ZFAT: variants seen among roughly 807,000 people sequenced by gnomAD.
ZFAT encodes zinc finger and AT-hook domain containing, also known as zinc finger protein ZFAT.
A neutral mutation model predicts 117.7 loss-of-function variants in ZFAT; 64 were observed. The ratio of observed to expected loss-of-function variants is 0.54; its 90% CI spans 0.44 to 0.67. The LOEUF (loss-of-function observed/expected upper bound fraction) is 0.67. Among genes scored for constraint, ZFAT ranks in the 30% least tolerant of loss-of-function variants. ZFAT has a pLI of 0.00. For synonymous variants in ZFAT, 679 were observed against 615.0 expected (o/e 1.10, Z -1.54); for missense variants, 1,433 against 1,584.5 (o/e 0.90, Z 1.62).
intron 11 of ZFAT, among the ~76,000 whole-genome samples, chr8:134,538,346 CAG>C (rs1821993577): frequency 6.6e-6 from 1 of 152,078 alleles, no homozygotes; most frequent in African/African-American, 2.4e-5. Context: ...ACCTGGCAAC[CAG>C]GGGGTGGCGC....
the ZFAT span, chr8:134,767,347 CTTTTTTTGCAGATGCAAATCTAGAATCAG>C: frequency 6.6e-6 from 1 of 152,096 alleles, no homozygotes; most frequent in Non-Finnish European, 1.5e-5. Flanking sequence ...GTTTTGGAGT[CTTTTTTTGCAGATGCAAATCTAGAATCAG>C]TATACTTTGC....
Position 134,478,817 on chromosome 8 carries a change from G to A in ZFAT, c.3493-96C>T, listed in dbSNP as rs143151953. The A allele has an allele frequency of 4.6e-5, 67 of 1,468,568 alleles. No individual in the cohort carries two copies. The highest frequency in any genetic ancestry group is 2.2e-4 in the African/African-American group (16 of 71,864). 91.0% of individuals were successfully genotyped at this position (1,468,568 alleles called of 1,614,324 possible). On this transcript the variant is annotated intron_variant, in intron 15 of 15. Transcript: ENST00000377838. This position sits in a 1 kb window ranked among gnomAD's most constrained non-coding sequence, Gnocchi z 5.2. ...ACTACAGTTTAGGAGGCACCAGTGC[G>A]CTGCGGGAGCACGTCCATTCTCCAC...
At chr8:134,665,321 C>T (rs1832155921) in intron 1 of ZFAT, among the ~76,000 whole-genome samples, 1 of 152,220 alleles carries the variant, frequency 6.6e-6, no homozygotes, top group Non-Finnish European at 1.5e-5. Context: ...AACTTTCAGG[C>T]CCTCAAGGGA....
At chr8:134,790,190 A>T in the ZFAT span, among the ~76,000 whole-genome samples, 1 of 152,206 alleles carries the variant, frequency 6.6e-6, no homozygotes, top group African/African-American at 2.4e-5. Context: ...TTGCAAGAAG[A>T]GGCCATAAGA....
In ZFAT at chr8:134,513,550, T is replaced by C. The variant is rs915348872; in HGVS notation, c.3235-949A>G. Reference sequence around the variant, plus strand: ...AATATATTTGCACAAAATCAGGACTTGCGAGGGTAGGAGGAGTTAAAGTGG... The same window carrying C: ...AATATATTTGCACAAAATCAGGACTCGCGAGGGTAGGAGGAGTTAAAGTGG... On this transcript the variant is annotated intron_variant, in intron 13 of 15. Transcript: ENST00000377838. 9.9e-4 allele frequency among the ~76,000 whole-genome samples: 150 copies of C among 152,272 alleles called. 1 individual carries two copies. The highest frequency in any genetic ancestry group is 1.5e-4 in the Non-Finnish European group (10 of 68,010).
intron 10 of ZFAT, among the ~76,000 whole-genome samples, chr8:134,572,863 GA>G (rs1452808460): frequency 1.3e-5 from 2 of 151,198 alleles, no homozygotes; most frequent in Non-Finnish European, 2.9e-5. Flanking sequence ...GCAGAATTTA[GA>G]ATCTCATTTC....
chr8:134,655,357 G>A (rs1831531296), intron 2 of ZFAT, among the ~76,000 whole-genome samples: 1 of 152,174 alleles, frequency 6.6e-6, no homozygotes, highest in Non-Finnish European at 1.5e-5. Flanking sequence ...ATTTATAAAA[G>A]AAATGAAAGG....
At chr8:134,591,159 G>T (rs2130879587) in intron 7 of ZFAT, among the ~76,000 whole-genome samples, 1 of 152,318 alleles carries the variant, frequency 6.6e-6, no homozygotes, top group East Asian at 1.9e-4. Flanking sequence ...CATGGCAAGT[G>T]ATTTTATTGA....
At position 134,600,679 on chromosome 8, in the gene ZFAT, A is replaced by G. The variant is rs1330623279; in HGVS notation, c.2243-11T>C. On this transcript the variant is annotated splice_polypyrimidine_tract_variant and intron_variant, in intron 6 of 15. Transcript: ENST00000377838. ...ACCAAAAAAGTTTGCCTAAAAAAAT[A>G]TTTTCACATGAGAACAAGGAAGTTT... 1.3e-6 allele frequency: 2 copies of G among 1,564,956 alleles called. No individual in the cohort carries two copies. The highest frequency in any genetic ancestry group is 1.4e-5 in the African/African-American group (1 of 73,092).
the ZFAT span, among the ~76,000 whole-genome samples, chr8:134,773,456 T>C: frequency 8.5e-5 from 13 of 152,314 alleles, no homozygotes; most frequent in Non-Finnish European, 1.8e-4. Context: ...CTAACACACA[T>C]CCACTGTGCA....
chr8:134,570,391 C>A (rs1363176736), intron 10 of ZFAT, among the ~76,000 whole-genome samples: 1 of 151,986 alleles, frequency 6.6e-6, no homozygotes, highest in African/African-American at 2.4e-5. Flanking sequence ...CTCATATTTC[C>A]ATTGTAATAT....
upstream of ZFAT, among the ~76,000 whole-genome samples, chr8:134,716,921 T>C (rs1814216039): frequency 6.6e-6 from 1 of 152,182 alleles, no homozygotes; most frequent in Admixed American, 6.5e-5. Context: ...TATATTTGTG[T>C]AAGTTTCGAG....
the ZFAT span, among the ~76,000 whole-genome samples, chr8:134,788,467 A>G: frequency 1.3e-5 from 2 of 152,124 alleles, no homozygotes; most frequent in South Asian, 2.1e-4. Context: ...ACTGTGTTAG[A>G]GAATGTAAGA....
At chr8:134,789,606 T>C in the ZFAT span, among the ~76,000 whole-genome samples, 2 of 152,216 alleles carry the variant, frequency 1.3e-5, no homozygotes, top group African/African-American at 4.8e-5. Context: ...CCACCATTTT[T>C]TGATCTTGAA....
chr8:134,717,931 G>A (rs1051715550), upstream of ZFAT, among the ~76,000 whole-genome samples: 2 of 152,136 alleles, frequency 1.3e-5, no homozygotes, highest in African/African-American at 4.8e-5. Flanking sequence ...CTGACCTCAA[G>A]TGATCTGCCC....
chr8:134,570,511 CA>C (rs1382032920), intron 10 of ZFAT, among the ~76,000 whole-genome samples: 1 of 152,166 alleles, frequency 6.6e-6, no homozygotes, highest in African/African-American at 2.4e-5. Context: ...ATCACCGAAG[CA>C]GTGCACTGAT....
chr8:134,666,948 G>T (rs1832254811), intron 1 of ZFAT, among the ~76,000 whole-genome samples: 1 of 152,214 alleles, frequency 6.6e-6, no homozygotes, highest in Non-Finnish European at 1.5e-5. Context: ...TCCACGCCAA[G>T]TGCGGCCATA....
At chr8:134,734,138 C>T in the ZFAT span, among the ~76,000 whole-genome samples, 26 of 152,336 alleles carry the variant, frequency 1.7e-4, no homozygotes, top group African/African-American at 6.0e-4. Context: ...GTCGGGGCAC[C>T]GTCTGTCCTC....
At chr8:134,499,098 C>G (rs1359748044) in intron 15 of ZFAT, among the ~76,000 whole-genome samples, 10 of 92,368 alleles carry the variant, frequency 1.1e-4, no homozygotes, top group Non-Finnish European at 2.0e-4. Flanking sequence ...CGGGGTGGAG[C>G]TGGGATGCCC....
Sources: gnomAD v4.1 joint callset for allele counts (sites outside exome capture counted in the v4.1 genomes callset) on GRCh38, gnomAD v4.1.1 for gene constraint, Gnocchi (gnomAD v3.1) non-coding constraint, MANE v1.5 for transcripts, NCBI Gene and HGNC (gene_info 2026-07-23, HGNC 2026-07-21) for gene names.